Variants in PDS5B observed in about 807,000 individuals in gnomAD.
PDS5B encodes the protein PDS5 cohesin associated factor B.
A neutral mutation model predicts 184.1 loss-of-function variants in PDS5B; 51 were observed. The observed-to-expected ratio is 0.28, with a 90% confidence interval of 0.22 to 0.35. The LOEUF (loss-of-function observed/expected upper bound fraction) is 0.35. PDS5B is among the 10% of genes least tolerant of loss of function. The pLI is 1.00. For synonymous variants in PDS5B, 566 were observed against 569.2 expected (o/e 0.99, Z 0.08); for missense variants, 1,180 against 1,723.3 (o/e 0.68, Z 5.58).
At chr13:32,637,997 C>A (rs545804019) in intron 1 of PDS5B, among the ~76,000 whole-genome samples, 16 of 152,258 alleles carry the variant, frequency 1.1e-4, no homozygotes, top group African/African-American at 3.9e-4. Context: ...CCAGGCTTAG[C>A]TGATTTTAGC....
chr13:32,646,460 G>T, intron 1 of PDS5B, among the ~76,000 whole-genome samples: 1 of 110,602 alleles, frequency 9.0e-6, no homozygotes. Context: ...TGTGTTTTCT[G>T]TTTTGGCAAC....
chr13:32,719,157 T>C (rs1422411538), intron 19 of PDS5B, among the ~76,000 whole-genome samples: 1 of 152,160 alleles, frequency 6.6e-6, no homozygotes, highest in Non-Finnish European at 1.5e-5. Context: ...GAATGAAATA[T>C]TGATGGGTTG....
rs533078840 is a variant in PDS5B, at chr13:32,749,518, T to C, written c.2736+3418T>C. On this transcript the variant is annotated intron_variant, in intron 24 of 34. Coordinates refer to ENST00000315596, the MANE Select transcript of PDS5B (RefSeq NM_015032.4). ...ATAATTTAATAATTACTTAGATATT[T>C]TAGAACTTGGAATTCAGTTCATGAA... 3.3e-5 allele frequency among the ~76,000 whole-genome samples: 5 copies of C among 152,306 alleles called. No homozygotes were observed. In the South Asian group the frequency reaches 1.0e-3, roughly 32 times the overall value.
At chr13:32,737,000 C>T (rs1350803390) in intron 21 of PDS5B, among the ~76,000 whole-genome samples, 2 of 152,096 alleles carry the variant, frequency 1.3e-5, no homozygotes, top group African/African-American at 2.4e-5. Flanking sequence ...ATTTGCTTGT[C>T]ATTAAATCCT....
intron 1 of PDS5B, among the ~76,000 whole-genome samples, chr13:32,618,833 C>T (rs1182038377): frequency 2.0e-5 from 3 of 151,638 alleles, no homozygotes; most frequent in African/African-American, 7.3e-5. Context: ...TTTCTTTTTT[C>T]CCCACCAGTA....
At chr13:32,741,274 A>AT in intron 22 of PDS5B, 126 bp downstream of exon 22, 2 of 574,808 alleles carry the variant, frequency 3.5e-6, no homozygotes, top group South Asian at 5.0e-5. Flanking sequence ...TTATTGTATG[A>AT]TGTCTTATGT....
chr13:32,749,862 C>G (rs1258491484), intron 24 of PDS5B, among the ~76,000 whole-genome samples: 1 of 151,954 alleles, frequency 6.6e-6, no homozygotes, highest in Non-Finnish European at 1.5e-5. Context: ...GTATTAGACA[C>G]CATCTGTTTT....
chr13:32,696,500 A>G (rs527458209), intron 14 of PDS5B, among the ~76,000 whole-genome samples: 3 of 151,974 alleles, frequency 2.0e-5, no homozygotes, highest in Non-Finnish European at 4.4e-5. Flanking sequence ...CATGCCTTAT[A>G]ATTCTCAGGT....
At chr13:32,732,791 C>T (rs1316869250) in intron 20 of PDS5B, among the ~76,000 whole-genome samples, 1 of 152,112 alleles carries the variant, frequency 6.6e-6, no homozygotes, top group Non-Finnish European at 1.5e-5. Context: ...CTAACACTAA[C>T]ACTGTTAGTG....
At chr13:32,767,378 T>C (rs2141029676) in intron 31 of PDS5B, among the ~76,000 whole-genome samples, 1 of 152,290 alleles carries the variant, frequency 6.6e-6, no homozygotes, top group Middle Eastern at 3.4e-3. Context: ...CTGTCACCAC[T>C]GTTTTTAAAA....
chr13:32,648,957 A>G (rs41292171), intron 2 of PDS5B, 77 bp downstream of exon 2: 33 of 760,592 alleles, frequency 4.3e-5, no homozygotes, highest in Non-Finnish European at 7.6e-5. Flanking sequence ...GCTATAATGT[A>G]TCTTGTTGGG....
chr13:32,608,866 CAT>C (rs1028447381), intron 1 of PDS5B, among the ~76,000 whole-genome samples: 2 of 152,172 alleles, frequency 1.3e-5, no homozygotes, highest in African/African-American at 4.8e-5. Flanking sequence ...TCTATGACAA[CAT>C]GTGAGAAAGT....
chr13:32,732,974 A>G (rs1470370227), intron 20 of PDS5B, among the ~76,000 whole-genome samples: 1 of 152,136 alleles, frequency 6.6e-6, no homozygotes, highest in Admixed American at 6.6e-5. Flanking sequence ...TTCATGTATT[A>G]TGTTAAAGAC....
intron 1 of PDS5B, among the ~76,000 whole-genome samples, chr13:32,643,842 T>C (rs970042095): frequency 6.6e-6 from 1 of 152,194 alleles, no homozygotes. Context: ...TATTAGAATG[T>C]ATCCCATCAT....
At chr13:32,630,281 G>T (rs1237307457) in intron 1 of PDS5B, among the ~76,000 whole-genome samples, 1 of 152,174 alleles carries the variant, frequency 6.6e-6, no homozygotes, top group Non-Finnish European at 1.5e-5. Flanking sequence ...TGGAATCTGA[G>T]TGTAAGAACA....
chr13:32,657,230 A>G (rs1336723989), intron 3 of PDS5B, among the ~76,000 whole-genome samples: 2 of 152,182 alleles, frequency 1.3e-5, no homozygotes, highest in East Asian at 1.9e-4. Context: ...GTCTCTAAGA[A>G]CTTGCTTTAT....
At chr13:32,655,388 T>A (rs1474620923) in intron 3 of PDS5B, among the ~76,000 whole-genome samples, 6 of 22,788 alleles carry the variant, frequency 2.6e-4, no homozygotes, top group South Asian at 2.6e-3. Flanking sequence ...TTTTTTTTTT[T>A]TTTTTTTTTA....
chr13:32,607,939 AT>A (rs1178187560), intron 1 of PDS5B, among the ~76,000 whole-genome samples: 1 of 152,072 alleles, frequency 6.6e-6, no homozygotes, highest in African/African-American at 2.4e-5. Flanking sequence ...GAGCGTCCTG[AT>A]TTTCCAGGTA....
At chr13:32,662,180 A>G (rs1250536183) in intron 6 of PDS5B, among the ~76,000 whole-genome samples, 1 of 152,154 alleles carries the variant, frequency 6.6e-6, no homozygotes, top group Non-Finnish European at 1.5e-5. Flanking sequence ...AAACCAAGAT[A>G]GCTTATATTA....
Sources: allele counts gnomAD v4.1 joint callset (sites outside exome capture counted in the v4.1 genomes callset), GRCh38; gene constraint gnomAD v4.1.1; transcripts MANE v1.5; gene names NCBI Gene and HGNC (gene_info 2026-07-23, HGNC 2026-07-21).